The following AVEN variants were observed in gnomAD, a reference collection of about 807,000 sequenced individuals.
The protein encoded by AVEN is cell death regulator Aven.
A neutral mutation model predicts 38.1 loss-of-function variants in AVEN; 41 were observed. The observed-to-expected ratio is 1.08, with a 90% CI of 0.84 to 1.40. AVEN has a LOEUF of 1.40. AVEN is among the 40% of genes most tolerant of loss of function. The pLI is 0.00. For synonymous variants in AVEN, 206 were observed against 171.8 expected, an observed-to-expected ratio of 1.20 and a Z score of -1.56; for missense variants, 605 against 438.8, an observed-to-expected ratio of 1.38 and a Z score of -3.38.
intron 2 of AVEN, among the ~76,000 whole-genome samples, chr15:33,953,406 A>G (rs1335979414): frequency 6.6e-6 from 1 of 152,232 alleles, no homozygotes; most frequent in East Asian, 1.9e-4. Flanking sequence ...AGGCTACAGT[A>G]ACCAAAACAG....
chr15:34,070,963 T>G (rs1900613520), intron 1 of AVEN, among the ~76,000 whole-genome samples: 1 of 152,204 alleles, frequency 6.6e-6, no homozygotes, highest in African/African-American at 2.4e-5. Flanking sequence ...CTCACTGGGC[T>G]TGACTACCAC....
chr15:34,035,573 C>T (rs542957694), intron 1 of AVEN, among the ~76,000 whole-genome samples: 1 of 152,094 alleles, frequency 6.6e-6, no homozygotes, highest in South Asian at 2.1e-4. Context: ...TTTCACCTCT[C>T]CTAACTGTGA....
intron 2 of AVEN, among the ~76,000 whole-genome samples, chr15:33,937,298 G>T (rs1444575100): frequency 1.3e-5 from 2 of 151,736 alleles, no homozygotes; most frequent in Non-Finnish European, 2.9e-5. Context: ...ACTTTGGGAG[G>T]CCGAGGCGGG....
At chr15:34,037,162 G>A (rs1899180218) in intron 1 of AVEN, among the ~76,000 whole-genome samples, 1 of 150,938 alleles carries the variant, frequency 6.6e-6, no homozygotes, top group African/African-American at 2.4e-5. Flanking sequence ...ATTCAACAGA[G>A]ATTAACAAAA....
chr15:34,073,014 T>G (rs1900659816), intron 1 of AVEN, among the ~76,000 whole-genome samples: 1 of 146,796 alleles, frequency 6.8e-6, no homozygotes, highest in African/African-American at 2.5e-5. Context: ...CTTCTAGTCT[T>G]TTTTCTATGT....
At chr15:33,895,051 T>C (rs1892178642) in intron 2 of AVEN, among the ~76,000 whole-genome samples, 2 of 151,852 alleles carry the variant, frequency 1.3e-5, no homozygotes, top group African/African-American at 4.8e-5. Context: ...GAAAGAACGT[T>C]TCCATCTTCA....
intron 4 of AVEN, chr15:34,064,542 A>G: frequency 1.7e-6 from 1 of 584,786 alleles, no homozygotes; most frequent in Non-Finnish European, 3.1e-6. Context: ...ATTTGATGCC[A>G]GGGGAGTTTG....
At chr15:33,910,166 A>C (rs533561792) in intron 2 of AVEN, among the ~76,000 whole-genome samples, 1 of 151,638 alleles carries the variant, frequency 6.6e-6, no homozygotes, top group East Asian at 1.9e-4. Flanking sequence ...TTAGTAAGCA[A>C]GGTAGTACTT....
At chr15:33,935,504 A>ATATATG (rs567775883) in intron 2 of AVEN, among the ~76,000 whole-genome samples, 6 of 152,076 alleles carry the variant, frequency 3.9e-5, no homozygotes, top group Admixed American at 1.3e-4. Context: ...ATATGTATAT[A>ATATATG]TGTGTGTGAG....
intron 1 of AVEN, among the ~76,000 whole-genome samples, chr15:34,033,460 C>G (rs925482420): frequency 2.0e-5 from 3 of 150,976 alleles, no homozygotes; most frequent in Non-Finnish European, 4.4e-5. Context: ...GAGCCGAGAT[C>G]GTGCCACTGC....
At chr15:34,022,419 A>C (rs1898241721) in intron 1 of AVEN, among the ~76,000 whole-genome samples, 1 of 152,198 alleles carries the variant, frequency 6.6e-6, no homozygotes, top group African/African-American at 2.4e-5. Context: ...ATTTAATTAA[A>C]AGAAAGGGCA....
intron 2 of AVEN, among the ~76,000 whole-genome samples, chr15:33,892,985 A>G (rs536195130): frequency 6.6e-6 from 1 of 152,268 alleles, no homozygotes; most frequent in Non-Finnish European, 1.5e-5. Context: ...CTTTGTAGCA[A>G]TTGTGAATGG....
At chr15:34,067,756 G>A (rs957543019) in intron 2 of AVEN, among the ~76,000 whole-genome samples, 6 of 152,132 alleles carry the variant, frequency 3.9e-5, no homozygotes, top group Admixed American at 6.5e-5. Context: ...GTCCTTTACC[G>A]AGTGGAGACT....
At chr15:33,853,792 G>T, downstream of AVEN, 1 of 1,405,932 alleles carries the variant, frequency 7.1e-7, no homozygotes, top group Non-Finnish European at 9.5e-7. Context: ...CTGTGGTCTG[G>T]CTTAGGTGTT....
chr15:33,904,716 T>TATATATAC (rs1555505855), intron 2 of AVEN, among the ~76,000 whole-genome samples: 10 of 143,348 alleles, frequency 7.0e-5, no homozygotes, highest in African/African-American at 2.6e-4. Context: ...TATATATATA[T>TATATATAC]ACACACACAC....
downstream of AVEN, chr15:33,854,817 A>G (rs1257114870): frequency 6.2e-7 from 1 of 1,613,796 alleles, no homozygotes; most frequent in East Asian, 2.2e-5. Flanking sequence ...GGGCCACTAC[A>G]ATAACTTCTT....
intron 2 of AVEN, among the ~76,000 whole-genome samples, chr15:33,995,847 C>T (rs1896909096): frequency 1.3e-5 from 2 of 152,188 alleles, no homozygotes; most frequent in Admixed American, 6.5e-5. Context: ...TGGGTGCAGG[C>T]CACGGAGGGC....
rs1900437059 is a variant in AVEN, at chr15:34,063,905, C to G, written n.1127-473G>C. 6.2e-7 allele frequency: 1 copy of G among 1,614,082 alleles called. No homozygotes were observed. Among genetic ancestry groups the G allele is most frequent in the Non-Finnish European group, 8.5e-7 (1 of 1,180,042 alleles). The stretch of plus-strand genomic sequence containing the variant: ...ACGGGAACCAGGAGACCAACAATGG[C>G]TGTCACAAGGTGAAAATCATGCCCT... On this transcript the variant is annotated intron_variant and non_coding_transcript_variant, in intron 4 of 11. Coordinates refer to the AVEN transcript ENST00000675287. The surrounding 1 kb of genome is among the most constrained non-coding windows in gnomAD (Gnocchi z 4.1).
chr15:33,853,611 T>A, the AVEN span: 2 of 1,613,960 alleles, frequency 1.2e-6, no homozygotes, highest in Non-Finnish European at 1.7e-6. Flanking sequence ...AACTTCTGGG[T>A]TTGGACAAAA....
Sources: allele counts gnomAD v4.1 joint callset (sites outside exome capture counted in the v4.1 genomes callset), GRCh38; gene constraint gnomAD v4.1.1; non-coding constraint Gnocchi (gnomAD v3.1); transcripts MANE v1.5; gene names NCBI Gene and HGNC (gene_info 2026-07-23, HGNC 2026-07-21).